The following ZFHX3 variants were observed in gnomAD, a reference collection of about 807,000 sequenced individuals.
The protein encoded by ZFHX3 is zinc finger homeobox protein 3.
In ZFHX3, 42 loss-of-function variants were observed where a neutral mutation model predicts 279.1. The observed-to-expected ratio is 0.15, with a 90% CI of 0.12 to 0.19. ZFHX3 has a LOEUF of 0.19. Among genes scored for constraint, ZFHX3 ranks in the 10% least tolerant of loss-of-function variants. The pLI is 1.00. For synonymous variants in ZFHX3, 2,293 were observed against 1,957.8 expected, an observed-to-expected ratio of 1.17 and a Z score of -4.52; for missense variants, 4,981 against 4,754.0, an observed-to-expected ratio of 1.05 and a Z score of -1.40.
chr16:73,147,553 G>A (rs1015466362), intron 5 of ZFHX3, among the ~76,000 whole-genome samples: 2 of 150,910 alleles, frequency 1.3e-5, no homozygotes, highest in African/African-American at 2.4e-5. Flanking sequence ...TTAGCCGGGC[G>A]TGGTAGCGGG....
At chr16:72,943,663 C>T (rs1356739987) in intron 3 of ZFHX3, among the ~76,000 whole-genome samples, 3 of 152,202 alleles carry the variant, frequency 2.0e-5, no homozygotes, top group Non-Finnish European at 2.9e-5. Flanking sequence ...AACAACAACA[C>T]GGTGTTGGTC....
At chr16:73,808,725 G>A (rs552534362) in intron 1 of ZFHX3, among the ~76,000 whole-genome samples, 22 of 152,234 alleles carry the variant, frequency 1.4e-4, no homozygotes, top group African/African-American at 5.3e-4. Flanking sequence ...AGAGGGGAGG[G>A]GAAAGAGGCA....
intron 5 of ZFHX3, among the ~76,000 whole-genome samples, chr16:73,208,453 A>G (rs2144907416): frequency 6.6e-6 from 1 of 152,360 alleles, no homozygotes; most frequent in East Asian, 1.9e-4. Context: ...GAGTGACTGA[A>G]TTCTTCACAG....
intron 3 of ZFHX3, among the ~76,000 whole-genome samples, chr16:72,890,360 G>C (rs921942894): frequency 6.6e-6 from 1 of 152,098 alleles, no homozygotes; most frequent in Non-Finnish European, 1.5e-5. Context: ...ATTATTGTAA[G>C]TTTCCTGAGG....
At chr16:73,580,026 T>C (rs1355061854) in intron 2 of ZFHX3, among the ~76,000 whole-genome samples, 1 of 149,286 alleles carries the variant, frequency 6.7e-6, no homozygotes, top group Non-Finnish European at 1.5e-5. Flanking sequence ...AAAATTATCC[T>C]TGGACAGTAT....
At chr16:73,245,608 T>G (rs1303901859) in intron 5 of ZFHX3, among the ~76,000 whole-genome samples, 5 of 152,198 alleles carry the variant, frequency 3.3e-5, no homozygotes, top group African/African-American at 9.6e-5. Flanking sequence ...TGTCCAAGGA[T>G]GTTGTTCCAA....
At chr16:72,920,759 C>CA (rs1555530451) in intron 3 of ZFHX3, among the ~76,000 whole-genome samples, 3 of 151,608 alleles carry the variant, frequency 2.0e-5, no homozygotes, top group Non-Finnish European at 4.4e-5. Context: ...TGGAAGACAA[C>CA]AACTTTTTTA....
intron 2 of ZFHX3, among the ~76,000 whole-genome samples, chr16:73,667,612 A>C (rs988352958): frequency 6.6e-6 from 1 of 152,254 alleles, no homozygotes; most frequent in Non-Finnish European, 1.5e-5. Context: ...AAAATGCTCA[A>C]GAAGATACTG....
intron 2 of ZFHX3, among the ~76,000 whole-genome samples, chr16:73,550,170 C>T (rs540560908): frequency 1.4e-3 from 220 of 152,062 alleles, no homozygotes; most frequent in African/African-American, 4.7e-3. Flanking sequence ...GGGGCTGGGC[C>T]GTGTCAGGGC....
At chr16:73,167,729 T>C (rs970305868) in intron 5 of ZFHX3, among the ~76,000 whole-genome samples, 2 of 152,196 alleles carry the variant, frequency 1.3e-5, no homozygotes, top group African/African-American at 2.4e-5. Flanking sequence ...AAGAGAAGAA[T>C]AGCAACTTCA....
intron 1 of ZFHX3, among the ~76,000 whole-genome samples, chr16:72,984,991 G>A (rs1448383770): frequency 1.3e-5 from 2 of 151,786 alleles, no homozygotes; most frequent in Non-Finnish European, 2.9e-5. Flanking sequence ...AATTAAAAGA[G>A]GAAAAAAACA....
intron 1 of ZFHX3, among the ~76,000 whole-genome samples, chr16:72,984,207 C>T (rs952825191): frequency 6.6e-6 from 1 of 152,238 alleles, no homozygotes; most frequent in African/African-American, 2.4e-5. Flanking sequence ...CCACAGGCTG[C>T]AGCCTGGCAA....
chr16:73,612,547 G>A (rs896232493), intron 2 of ZFHX3, among the ~76,000 whole-genome samples: 4 of 152,192 alleles, frequency 2.6e-5, no homozygotes, highest in African/African-American at 9.6e-5. Context: ...GAGAAGGAAT[G>A]CTTCTGTTTC....
At chr16:73,151,500 T>C (rs1209622626) in intron 5 of ZFHX3, among the ~76,000 whole-genome samples, 4 of 152,056 alleles carry the variant, frequency 2.6e-5, no homozygotes, top group Admixed American at 2.0e-4. Context: ...CTGGGTCTGA[T>C]ATCAGGATAC....
intron 8 of ZFHX3, among the ~76,000 whole-genome samples, chr16:73,091,943 T>G (rs1483708898): frequency 6.6e-6 from 1 of 152,238 alleles, no homozygotes; most frequent in Non-Finnish European, 1.5e-5. Context: ...TATCCTTAAC[T>G]GCTCTTAGAA....
intron 2 of ZFHX3, among the ~76,000 whole-genome samples, chr16:73,562,401 C>T (rs844092): frequency 0.34 from 51,984 of 151,836 alleles, 10,303 homozygotes; most frequent in Non-Finnish European, 0.46. Flanking sequence ...CGAGACCATC[C>T]TGGCTAACAC....
intron 1 of ZFHX3, among the ~76,000 whole-genome samples, chr16:73,756,993 C>T (rs575355552): frequency 6.6e-6 from 1 of 152,154 alleles, no homozygotes; most frequent in South Asian, 2.1e-4. Context: ...CGTAAGAGTG[C>T]AAGAGGGAAT....
intron 2 of ZFHX3, among the ~76,000 whole-genome samples, chr16:73,463,658 T>C (rs922710613): frequency 1.3e-5 from 2 of 152,312 alleles, no homozygotes; most frequent in Non-Finnish European, 2.9e-5. Flanking sequence ...TATCACCTTT[T>C]ATACTATTGG....
At chr16:73,528,454 G>A (rs1222289936) in intron 2 of ZFHX3, among the ~76,000 whole-genome samples, 1 of 152,172 alleles carries the variant, frequency 6.6e-6, no homozygotes, top group Non-Finnish European at 1.5e-5. Flanking sequence ...AACACCGTAA[G>A]AGGTAGAAAA....
Sources: gnomAD v4.1 joint callset for allele counts (sites outside exome capture counted in the v4.1 genomes callset) on GRCh38, gnomAD v4.1.1 for gene constraint, MANE v1.5 for transcripts, NCBI Gene and HGNC (gene_info 2026-07-23, HGNC 2026-07-21) for gene names.